Variants in RBFOX1 observed in about 807,000 individuals in gnomAD.
The protein encoded by RBFOX1 is RNA binding protein fox-1 homolog 1.
Under a neutral mutation model 57.7 loss-of-function variants are expected in RBFOX1, and 8 were observed. That is an observed-to-expected ratio of 0.14 (90% CI 0.08 to 0.25). The LOEUF (loss-of-function observed/expected upper bound fraction) is 0.25. RBFOX1 is among the 10% of genes least tolerant of loss of function. The pLI is 1.00. For missense variants in RBFOX1, 611 were observed against 548.5 expected, an observed-to-expected ratio of 1.11 and a Z score of -1.14; for synonymous variants, 326 against 222.4, an observed-to-expected ratio of 1.47 and a Z score of -4.15.
At chr16:6,823,623 C>G (rs546762284) in intron 3 of RBFOX1, among the ~76,000 whole-genome samples, 1 of 152,260 alleles carries the variant, frequency 6.6e-6, no homozygotes, top group African/African-American at 2.4e-5. Flanking sequence ...ACCAGTTTTC[C>G]TCCCTTGATT....
At position 6,598,153 on chromosome 16, in the gene RBFOX1, C is replaced by A. The variant is rs368646340; in HGVS notation, c.-63-56450C>A. On this transcript the variant is annotated intron_variant, in intron 2 of 15. Coordinates refer to ENST00000550418, the MANE Select transcript of RBFOX1 (RefSeq NM_018723.4). ...ATCCACATCCGTGTCTTCACACACA[C>A]ATCTGTTTCCTATATGCAGAACATG... Among the ~76,000 whole-genome samples, 9 of 152,362 alleles carry A rather than the reference C, an allele frequency of 5.9e-5. No individual in the cohort carries two copies. In the East Asian group the frequency reaches 1.7e-3, roughly 29 times the overall value.
chr16:7,403,309 C>T (rs1282075976), intron 4 of RBFOX1, among the ~76,000 whole-genome samples: 1 of 152,060 alleles, frequency 6.6e-6, no homozygotes, highest in South Asian at 2.1e-4. Context: ...AGTCACCGTG[C>T]TATACATTAG....
chr16:7,460,224 A>T (rs2059279771), intron 4 of RBFOX1, among the ~76,000 whole-genome samples: 1 of 151,692 alleles, frequency 6.6e-6, no homozygotes, highest in African/African-American at 2.4e-5. Flanking sequence ...TCATGTGGAA[A>T]CTGCAACACC....
chr16:5,928,955 C>G (rs1567158509), intron 4 of RBFOX1, among the ~76,000 whole-genome samples: 2 of 149,198 alleles, frequency 1.3e-5, no homozygotes, highest in Non-Finnish European at 3.0e-5. Context: ...ATGCTCGCCT[C>G]AAAAGGAGGG....
chr16:6,902,248 T>C (rs1050936437), intron 3 of RBFOX1, among the ~76,000 whole-genome samples: 6 of 152,300 alleles, frequency 3.9e-5, no homozygotes, highest in Admixed American at 2.0e-4. Context: ...ACTCACAGTT[T>C]CTGTATTGAA....
At chr16:7,254,686 A>C (rs2094608572) in intron 4 of RBFOX1, among the ~76,000 whole-genome samples, 1 of 152,112 alleles carries the variant, frequency 6.6e-6, no homozygotes, top group African/African-American at 2.4e-5. Context: ...AATCTAAGTT[A>C]GAAAGACATT....
At position 5,482,858 on chromosome 16, in the gene RBFOX1, C is replaced by T. The variant is rs541127858; in HGVS notation, c.258+15604C>T. On this transcript the variant is annotated intron_variant, in intron 2 of 2. Transcript: ENST00000585867. ...AATAAAATGGGGCATTCATTTCTTG[C>T]TCTGGGAAGGGGATATTTTCAAGAT... 6.6e-4 allele frequency among the ~76,000 whole-genome samples: 101 copies of T among 152,238 alleles called. 1 individual carries two copies. The highest frequency in any genetic ancestry group is 2.3e-3 in the African/African-American group (95 of 41,538).
chr16:5,695,647 C>T (rs1273704401), intron 3 of RBFOX1, among the ~76,000 whole-genome samples: 2 of 152,180 alleles, frequency 1.3e-5, no homozygotes, highest in South Asian at 2.1e-4. Context: ...ACCACCACGA[C>T]GTGGTTTGGC....
intron 1 of RBFOX1, among the ~76,000 whole-genome samples, chr16:6,152,919 G>T (rs2096808029): frequency 6.6e-6 from 1 of 152,056 alleles, no homozygotes; most frequent in African/African-American, 2.4e-5. Context: ...TAAGTCGATG[G>T]TTTTAAGAGC....
intron 2 of RBFOX1, among the ~76,000 whole-genome samples, chr16:6,543,875 G>A (rs1478446358): frequency 6.6e-6 from 1 of 152,068 alleles, no homozygotes; most frequent in Non-Finnish European, 1.5e-5. Flanking sequence ...AGAAGAAGGG[G>A]AACCCAGGAA....
intron 2 of RBFOX1, among the ~76,000 whole-genome samples, chr16:5,470,186 G>A (rs912620225): frequency 6.6e-6 from 1 of 152,196 alleles, no homozygotes; most frequent in African/African-American, 2.4e-5. Context: ...GCCTTCACCC[G>A]TGTTTCCACC....
chr16:6,962,526 C>G (rs1038646639), intron 3 of RBFOX1, among the ~76,000 whole-genome samples: 10 of 151,958 alleles, frequency 6.6e-5, no homozygotes, highest in Non-Finnish European at 1.0e-4. Flanking sequence ...ACTTCAGAAG[C>G]TCAGAGGTCA....
In RBFOX1 at chr16:5,762,870, A is replaced by G. The variant is rs554495068; in HGVS notation, c.319-104433A>G. The stretch of plus-strand genomic sequence containing the variant: ...CATATTGCATGGCTTTGGCTTGTTT[A>G]AAAATATGTATCCGTAAATAAAATT... On this transcript the variant is annotated intron_variant, in intron 3 of 19. Coordinates refer to the RBFOX1 transcript ENST00000641259. Among the ~76,000 whole-genome samples the G allele has an allele frequency of 6.6e-5, 10 of 152,326 alleles. No individual in the cohort carries two copies. The East Asian group carries it at 1.9e-3, about 29-fold the overall frequency.
rs892601890 is a variant in RBFOX1 at position 6,334,396 on chromosome 16, T to C, written c.-64+17339T>C. 8.6e-5 allele frequency among the ~76,000 whole-genome samples: 13 copies of C among 150,736 alleles called. No homozygotes were observed. In the South Asian group the frequency reaches 1.5e-3, roughly 17 times the overall value. ...GTTGGTGTGCGCCTGTAGTCCCAGC[T>C]ACTCAGGAAGCTGAAGCAGGAGAAT... On this transcript the variant is annotated intron_variant, in intron 2 of 15. Transcript: ENST00000550418.
chr16:7,666,301 G>C (rs890096364), intron 13 of RBFOX1, among the ~76,000 whole-genome samples: 9 of 151,558 alleles, frequency 5.9e-5, no homozygotes, highest in African/African-American at 2.2e-4. Flanking sequence ...TAGGGCTTTA[G>C]AAATGAAAGG....
rs537366124 is a variant in RBFOX1, at chr16:7,302,205, G to C, written c.28-215942G>C. 7.0e-4 allele frequency among the ~76,000 whole-genome samples: 107 copies of C among 152,284 alleles called. 1 individual carries two copies. The highest frequency in any genetic ancestry group is 2.5e-3 in the African/African-American group (104 of 41,572). On this transcript the variant is annotated intron_variant, in intron 4 of 15. Coordinates refer to ENST00000550418, the MANE Select transcript of RBFOX1 (RefSeq NM_018723.4). The stretch of plus-strand genomic sequence containing the variant: ...CAGAGAGGTTGGAGGCACTGGTTTT[G>C]CAAGATGAAAAGTGGAAAGAAACAG...
intron 2 of RBFOX1, among the ~76,000 whole-genome samples, chr16:6,526,829 CAAAAAAAAAAAAAAA>C (rs541468859): frequency 1.1e-3 from 35 of 32,896 alleles, no homozygotes; most frequent in Non-Finnish European, 1.7e-3. Context: ...GACTCTGTCT[CAAAAAAAAAAAAAAA>C]AAAAAAAAAA....
rs1555518569 is a variant in RBFOX1, at chr16:6,840,897, A to AAAG, written c.-16+186249_-16+186250insGAA. Among the ~76,000 whole-genome samples the AAAG allele has an allele frequency of 1.8e-4, 25 of 137,500 alleles. 1 individual carries two copies. The highest frequency in any genetic ancestry group is 7.1e-4 in the African/African-American group (25 of 35,268). The allele number at this position is 137,500 out of a possible 152,430, so 90.2% of individuals were successfully genotyped here. A position where few individuals can be genotyped will look rare whatever the true frequency, so the allele number is the denominator to read the frequency against. On this transcript the variant is annotated intron_variant, in intron 3 of 15. Coordinates refer to ENST00000550418, the MANE Select transcript of RBFOX1 (RefSeq NM_018723.4). ...AGTGAGACTCTGTCTCAAAAAAAAAAAAAAAAACGAAAAAAGGTTTGAGAG... is the reference window on the plus strand; with the variant it reads ...AGTGAGACTCTGTCTCAAAAAAAAAAAAGAAAAAAACGAAAAAAGGTTTGAGAG...
Position 5,714,431 on chromosome 16 carries a change from G to T in RBFOX1, c.318+115470G>T, listed in dbSNP as rs144363817. ...TACAGAGAACATGGAATAGAGACGT[G>T]CCCAGCTGAAGCTCGAAGAGACCAC... On this transcript the variant is annotated intron_variant, in intron 3 of 19. Coordinates refer to the RBFOX1 transcript ENST00000641259. Among the ~76,000 whole-genome samples the T allele has an allele frequency of 1.1e-3, 160 of 152,270 alleles. 1 individual carries two copies. Among genetic ancestry groups the T allele is most frequent in the African/African-American group, 3.6e-3 (151 of 41,564 alleles).
Sources: gnomAD v4.1 joint callset for allele counts (sites outside exome capture counted in the v4.1 genomes callset) on GRCh38, gnomAD v4.1.1 for gene constraint, MANE v1.5 for transcripts, NCBI Gene and HGNC (gene_info 2026-07-23, HGNC 2026-07-21) for gene names.